The following XAB2 variants were observed in gnomAD, a reference collection of about 807,000 sequenced individuals.
The protein encoded by XAB2 is pre-mRNA-splicing factor SYF1.
XAB2 carries 57 observed loss-of-function variants against 113.4 expected under a neutral mutation model. The observed-to-expected ratio is 0.50, with a 90% CI of 0.41 to 0.63. XAB2 has a LOEUF of 0.63. Among genes scored for constraint, XAB2 ranks in the 20% least tolerant of loss-of-function variants. The probability of loss-of-function intolerance (pLI) is 0.00; values close to 1 mark genes in which losing one functional copy is unlikely to be tolerated. For missense variants in XAB2, 1,037 were observed against 1,233.3 expected (o/e 0.84, Z 2.38); for synonymous variants, 497 against 498.8 (o/e 1.00, Z 0.05).
chr19:7,619,705 AC>A, intron 18 of XAB2, 41 bp downstream of exon 18: 1 of 1,609,696 alleles, frequency 6.2e-7, no homozygotes. Flanking sequence ...CCCGAGGCCC[AC>A]CCTGGTAATG....
At chr19:7,626,344 G>A (rs1190196045) in intron 4 of XAB2, 74 bp from the exon 5 acceptor site, 79 of 1,564,434 alleles carry the variant, frequency 5.0e-5, no homozygotes, top group Non-Finnish European at 6.6e-5. Flanking sequence ...CAGTGGCTTC[G>A]GGGCGTCCCC....
chr19:7,622,296 C>T, intron 12 of XAB2, 35 bp downstream of exon 12: 1 of 1,604,230 alleles, frequency 6.2e-7, no homozygotes, highest in Non-Finnish European at 8.5e-7. Flanking sequence ...GGGACACTGC[C>T]ATCAGGGGCC....
At position 7,623,761 on chromosome 19, in the gene XAB2, A is replaced by T; in HGVS notation, c.1089T>A (p.Arg363=). The change falls in exon 8 of 19, where the codon CGT becomes CGA. Residue 363 remains arginine (R), a synonymous_variant. Transcript: ENST00000358368. This position sits in a 1 kb window ranked among gnomAD's most constrained non-coding sequence, Gnocchi z 4.6. ...GGGGGCGGCCCTGGTGCAGGGCGACACGCTTGTGCCACTCGTGCACGTGGT... is the reference window on the plus strand; with the variant it reads ...GGGGGCGGCCCTGGTGCAGGGCGACTCGCTTGTGCCACTCGTGCACGTGGT... ...NPHHVHEWHK[R]VALHQGRPRE... 2 of 1,610,756 alleles carry T rather than the reference A, an allele frequency of 1.2e-6. No individual in the cohort carries two copies. Among genetic ancestry groups the T allele is most frequent in the Non-Finnish European group, 1.7e-6 (2 of 1,179,172 alleles).
Position 7,620,830 on chromosome 19 carries a change from C to T in XAB2, c.1971+16G>A, listed in dbSNP as rs765233884. ...CAGGGACCTCTGGCCCCGGCCCAGC[C>T]CCCCACGGTGGGTACCTCAATGGCC... On this transcript the variant is annotated intron_variant, in intron 14 of 18. Coordinates refer to ENST00000358368, the MANE Select transcript of XAB2 (RefSeq NM_020196.3). 6 of 1,569,928 alleles carry T rather than the reference C, an allele frequency of 3.8e-6. No individual in the cohort carries two copies. The Admixed American group carries it at 1.1e-4, about 28-fold the overall frequency.
rs1157931145 is a variant in XAB2 at position 7,627,550 on chromosome 19, G to A, written c.325-110C>T. The A allele has an allele frequency of 9.3e-6, 14 of 1,505,622 alleles. No individual in the cohort carries two copies. Among genetic ancestry groups the A allele is most frequent in the African/African-American group, 1.4e-5 (1 of 72,266 alleles). 93.3% of individuals were successfully genotyped at this position (1,505,622 alleles called of 1,614,324 possible). ...ACACCTGGGGCCACCACATAAATGC[G>A]GCGGGACCCAGAAACCCCCAGCTCC... On this transcript the variant is annotated intron_variant, in intron 3 of 18. Coordinates refer to ENST00000358368, the MANE Select transcript of XAB2 (RefSeq NM_020196.3). The surrounding 1 kb of genome is among the most constrained non-coding windows in gnomAD (Gnocchi z 4.5).
At position 7,622,512 on chromosome 19, in the gene XAB2, C is replaced by T. The variant is rs2031055434; in HGVS notation, c.1503+18G>A. The T allele has an allele frequency of 1.2e-6, 2 of 1,613,912 alleles. No homozygotes were observed. Among genetic ancestry groups the T allele is most frequent in the Middle Eastern group, 1.6e-4 (1 of 6,062 alleles). ...CTGAGTCCGGGGCCCCGTCCCTCCC[C>T]AGCCACAGGCAGCTCACCTGGAAGG... is the stretch of plus-strand genomic sequence containing the variant. On this transcript the variant is annotated intron_variant, in intron 11 of 18. Coordinates refer to ENST00000358368, the MANE Select transcript of XAB2 (RefSeq NM_020196.3).
chr19:7,622,155 A>G, intron 12 of XAB2, 176 bp downstream of exon 12: 1 of 629,942 alleles, frequency 1.6e-6, no homozygotes, highest in Non-Finnish European at 2.7e-6. Flanking sequence ...AGCCCTGCCC[A>G]TGCCTCGATC....
chr19:7,619,525 T>C lies in XAB2; in HGVS notation c.*61A>G. ...GGCAGCAGGAAGGAGGCTCAGACCA[T>C]GATGTACAAACGTAGCTGTATTGGG... is the stretch of plus-strand genomic sequence containing the variant. On this transcript the variant is annotated 3_prime_UTR_variant, in exon 19 of 19. Coordinates refer to ENST00000358368, the MANE Select transcript of XAB2 (RefSeq NM_020196.3). 15 of 1,325,614 alleles carry C rather than the reference T, an allele frequency of 1.1e-5. No homozygotes were observed. Among genetic ancestry groups the C allele is most frequent in the Non-Finnish European group, 1.5e-5 (15 of 985,488 alleles). The allele number at this position is 1,325,614 out of a possible 1,614,324, so 82.1% of individuals were successfully genotyped here.
In XAB2 at chr19:7,627,867, G is replaced by C. The variant is rs773807284; in HGVS notation, c.201-16C>G. The C allele has an allele frequency of 1.2e-6, 2 of 1,607,702 alleles. No individual in the cohort carries two copies. The highest frequency in any genetic ancestry group is 2.2e-5 in the East Asian group (1 of 44,664). ...GAGTTTGTAGCTGGGGAATAGGAGG[G>C]GACAGATGCTGATCGGTCAGCTTTA... On this transcript the variant is annotated splice_polypyrimidine_tract_variant and intron_variant, in intron 2 of 18. Coordinates refer to ENST00000358368, the MANE Select transcript of XAB2 (RefSeq NM_020196.3). This position sits in a 1 kb window ranked among gnomAD's most constrained non-coding sequence, Gnocchi z 4.5.
Position 7,627,390 on chromosome 19 carries a change from G to A in XAB2, c.375C>T (p.Arg125=), listed in dbSNP as rs140055980. The stretch of plus-strand genomic sequence containing the variant: ...CGAAGGTGCGGCGGGTGTGTGTGAC[G>A]CGCCCCTGGTCCATGAGGAACTGGC... The part of the protein sequence containing the change: ...DYCQFLMDQG[R]VTHTRRTFDR... Residue 125 remains arginine (R), a synonymous_variant, in exon 4 of 19, where the codon CGC becomes CGT. Transcript: ENST00000358368. The surrounding 1 kb of genome is among the most constrained non-coding windows in gnomAD (Gnocchi z 4.5). The A allele has an allele frequency of 3.6e-4, 583 of 1,607,454 alleles. 1 individual carries two copies. Among genetic ancestry groups the A allele is most frequent in the Non-Finnish European group, 4.5e-4 (526 of 1,177,872 alleles).
Position 7,623,648 on chromosome 19 carries a change from G to A in XAB2, c.1119+83C>T. 3.3e-6 allele frequency: 5 copies of A among 1,493,284 alleles called. No homozygotes were observed. The highest frequency in any genetic ancestry group is 1.3e-5 in the South Asian group (1 of 75,522). The allele number at this position is 1,493,284 out of a possible 1,614,324, so 92.5% of individuals were successfully genotyped here. ...AAGCAAAGTCAGGCCCCTAGAAGGT[G>A]ACATTATGGGTGAAGGTGGGTGGCT... On this transcript the variant is annotated intron_variant, in intron 8 of 18. Coordinates refer to ENST00000358368, the MANE Select transcript of XAB2 (RefSeq NM_020196.3). The surrounding 1 kb of genome is among the most constrained non-coding windows in gnomAD (Gnocchi z 4.6).
At position 7,622,521 on chromosome 19, in the gene XAB2, G is replaced by A. The variant is rs2031055677; in HGVS notation, c.1503+9C>T. 1 of 1,613,912 alleles carries A rather than the reference G, an allele frequency of 6.2e-7. No individual in the cohort carries two copies. Among genetic ancestry groups the A allele is most frequent in the Admixed American group, 1.7e-5 (1 of 60,028 alleles). ...GGGCCCCGTCCCTCCCCAGCCACAG[G>A]CAGCTCACCTGGAAGGTGCCGAGGC... On this transcript the variant is annotated intron_variant, in intron 11 of 18. Coordinates refer to ENST00000358368, the MANE Select transcript of XAB2 (RefSeq NM_020196.3).
chr19:7,626,318 C>G (rs200681663), intron 4 of XAB2, 48 bp from the exon 5 acceptor site: 1 of 1,586,794 alleles, frequency 6.3e-7, no homozygotes, highest in Admixed American at 1.7e-5. Flanking sequence ...GGCAGGGCTA[C>G]GCCCACCTCC....
chr19:7,622,396 G>C lies in XAB2; in HGVS notation c.1552C>G (p.Pro518Ala), dbSNP rs2031052452. The C allele has an allele frequency of 6.2e-7, 1 of 1,614,230 alleles. No individual in the cohort carries two copies. Among genetic ancestry groups the C allele is most frequent in the Non-Finnish European group, 8.5e-7 (1 of 1,180,046 alleles). The change falls in exon 12 of 19, where the codon CCC becomes GCC. Residue 518 changes from proline (P) to alanine (A), a missense_variant. By Grantham distance (27) the Pro-to-Ala change is conservative. Transcript: ENST00000358368. ...DRILDLRIATPQIVINYAMFL... is the reference protein window; with the variant it reads ...DRILDLRIATAQIVINYAMFL... ...ATGGCATAGTTGATGACGATCTGGGGTGTTGCGATACGCAGGTCCAGGATG... is the reference window on the plus strand; with the variant it reads ...ATGGCATAGTTGATGACGATCTGGGCTGTTGCGATACGCAGGTCCAGGATG...
Position 7,621,270 on chromosome 19 carries a change from T to C in XAB2, c.1645A>G (p.Lys549Glu). Residue 549 changes from lysine to glutamate, a missense_variant, in exon 13 of 19, where the codon AAG becomes GAG. By Grantham distance (56) the Lys-to-Glu change is moderately conservative. Transcript: ENST00000358368. ...KAYERGISLF[K>E]WPNVSDIWST... The stretch of plus-strand genomic sequence containing the variant: ...CAGATGTCGGACACGTTGGGCCACT[T>C]GAACAGCGAGATGCCGCGCTCGTAC... The C allele has an allele frequency of 6.2e-7, 1 of 1,613,024 alleles. No homozygotes were observed. The highest frequency in any genetic ancestry group is 8.5e-7 in the Non-Finnish European group (1 of 1,179,982).
At position 7,624,270 on chromosome 19, in the gene XAB2, T is replaced by C; in HGVS notation, c.967+31A>G. ...TACCGCTAATGTCCACTCAGCTCTC[T>C]CCCCACCAGCCGGGGCCCCCAGAGG... On this transcript the variant is annotated intron_variant, in intron 7 of 18. Transcript: ENST00000358368. This position sits in a 1 kb window ranked among gnomAD's most constrained non-coding sequence, Gnocchi z 4.2. 1 of 1,609,938 alleles carries C rather than the reference T, an allele frequency of 6.2e-7. No individual in the cohort carries two copies. Among genetic ancestry groups the C allele is most frequent in the South Asian group, 1.1e-5 (1 of 91,076 alleles).
In XAB2 at chr19:7,629,502, C is replaced by A. The variant is rs142654083; in HGVS notation, c.26G>T (p.Arg9Leu). MVVMARLSRPERPDLVFEE... is the reference protein window; with the variant it reads MVVMARLSLPERPDLVFEE... ...GAAGACAAGGTCCGGCCGCTCGGGC[C>A]GCGAGAGTCGCGCCATCACCACCAT... is the stretch of plus-strand genomic sequence containing the variant. The change falls in exon 1 of 19, where the codon CGG (arginine) becomes CTG (leucine). Residue 9 changes from arginine to leucine, a missense_variant. Transcript: ENST00000358368. 3.1e-6 allele frequency: 5 copies of A among 1,604,492 alleles called. No homozygotes were observed. In the African/African-American group the frequency reaches 4.0e-5, roughly 13 times the overall value.
At position 7,622,639 on chromosome 19, in the gene XAB2, C is replaced by T. The variant is rs768063743; in HGVS notation, c.1394G>A (p.Arg465His). The stretch of plus-strand genomic sequence containing the variant: ...TGAACCATCAAAGTACTCGGCCCGG[C>T]GGGCAGGCAGCGCCGTGGCCTTCTG... ...LLRKATALPA[R>H]RAEYFDGSEP... is the part of the protein sequence containing the mutation. The change falls in exon 11 of 19, where the codon CGC becomes CAC. Residue 465 changes from arginine to histidine, a missense_variant. By Grantham distance (29) the Arg-to-His change is conservative. Transcript: ENST00000358368. The T allele has an allele frequency of 1.6e-5, 26 of 1,611,410 alleles. No homozygotes were observed. The highest frequency in any genetic ancestry group is 1.6e-4 in the Middle Eastern group (1 of 6,084).
In XAB2 at chr19:7,625,951, A is replaced by G. The variant is rs1463075210; in HGVS notation, c.751T>C (p.Phe251Leu). Reference sequence around the variant, plus strand: ...CAGAGCTTGCCCAGCTGGTCGGTGAAGCGGGTGAGGCCCCCGCGGATGATG... The same window carrying G: ...CAGAGCTTGCCCAGCTGGTCGGTGAGGCGGGTGAGGCCCCCGCGGATGATG... ...DAIIRGGLTRFTDQLGKLWCS... is the reference protein window; with the variant it reads ...DAIIRGGLTRLTDQLGKLWCS... The change falls in exon 6 of 19, where the codon TTC (phenylalanine) becomes CTC (leucine). Residue 251 changes from phenylalanine to leucine, a missense_variant. Phe to Leu is a conservative substitution (Grantham distance 22). Coordinates refer to ENST00000358368, the MANE Select transcript of XAB2 (RefSeq NM_020196.3). The surrounding 1 kb of genome is among the most constrained non-coding windows in gnomAD (Gnocchi z 5.2). The G allele has an allele frequency of 6.2e-7, 1 of 1,613,786 alleles. No individual in the cohort carries two copies. The highest frequency in any genetic ancestry group is 8.5e-7 in the Non-Finnish European group (1 of 1,179,874).
Sources: allele counts gnomAD v4.1 joint callset, GRCh38; gene constraint gnomAD v4.1.1; non-coding constraint Gnocchi (gnomAD v3.1); transcripts MANE v1.5; gene names NCBI Gene and HGNC (gene_info 2026-07-23, HGNC 2026-07-21).